The following DDX54 variants were observed in gnomAD, a reference collection of about 807,000 sequenced individuals.
DDX54 encodes ATP-dependent RNA helicase DDX54.
DDX54 carries 67 observed loss-of-function variants against 105.5 expected under a neutral mutation model. The observed-to-expected ratio is 0.64, with a 90% CI of 0.52 to 0.78. The LOEUF (loss-of-function observed/expected upper bound fraction) is 0.78, where lower values mean the gene tolerates loss of function less well. DDX54 is among the 30% of genes least tolerant of loss of function. The pLI is 0.00. For missense variants in DDX54, 1,206 were observed against 1,230.5 expected (o/e 0.98, Z 0.30); for synonymous variants, 514 against 509.9 (o/e 1.01, Z -0.11).
chr12:113,158,930 C>A lies in DDX54; in HGVS notation c.2593G>T (p.Ala865Ser), dbSNP rs201483723. 59 of 1,609,722 alleles carry A rather than the reference C, an allele frequency of 3.7e-5. No homozygotes were observed. In the East Asian group the frequency reaches 1.2e-3, roughly 32 times the overall value. ...RRRVQELQQG[A>S]FGRGARSKKG... ...TTGGAGCGGGCACCCCGGCCGAAGGCGCCCTGCTGCAGCTCCTGGACGCGG... is the reference window on the plus strand; with the variant it reads ...TTGGAGCGGGCACCCCGGCCGAAGGAGCCCTGCTGCAGCTCCTGGACGCGG... The change falls in exon 20 of 20, where the codon GCC becomes TCC. Residue 865 changes from alanine to serine, a missense_variant. Coordinates refer to ENST00000306014, the MANE Select transcript of DDX54 (RefSeq NM_024072.4). This position sits in a 1 kb window ranked among gnomAD's most constrained non-coding sequence, Gnocchi z 4.9.
chr12:113,180,134 C>G, intron 2 of DDX54, 129 bp from the exon 3 acceptor site: 1 of 894,290 alleles, frequency 1.1e-6, no homozygotes, highest in Non-Finnish European at 1.8e-6. Flanking sequence ...CAATAAAGCA[C>G]AAACTGAAAG....
Position 113,157,687 on chromosome 12 carries a change from A to G in DDX54, c.*1190T>C, listed in dbSNP as rs1952148571. The G allele has an allele frequency of 1.9e-6, 3 of 1,550,862 alleles. No individual in the cohort carries two copies. In the South Asian group the frequency reaches 3.6e-5, roughly 18 times the overall value. ...GCAGCCCCTGCCTCCTAGCCCTGACACAGGTGAGCAGCGGGAGAGGGAACC... is the reference window on the plus strand; with the variant it reads ...GCAGCCCCTGCCTCCTAGCCCTGACGCAGGTGAGCAGCGGGAGAGGGAACC... On this transcript the variant is annotated 3_prime_UTR_variant, in exon 20 of 20. Transcript: ENST00000306014.
chr12:113,173,085 A>G (rs1479770361), intron 10 of DDX54, among the ~76,000 whole-genome samples: 1 of 152,228 alleles, frequency 6.6e-6, no homozygotes, highest in Non-Finnish European at 1.5e-5. Context: ...TCACGCCTGT[A>G]ATCCAGCATT....
chr12:113,173,370 T>C (rs1238148471), intron 10 of DDX54, among the ~76,000 whole-genome samples: 1 of 152,088 alleles, frequency 6.6e-6, no homozygotes, highest in Non-Finnish European at 1.5e-5. Context: ...AAACAACTGT[T>C]TAAAAATTAC....
chr12:113,185,186 G>GCCC (rs1246079124), intron 1 of DDX54, 92 bp downstream of exon 1: 3 of 1,399,828 alleles, frequency 2.1e-6, no homozygotes, highest in Non-Finnish European at 2.8e-6. Flanking sequence ...ACTCTGCGGA[G>GCCC]CCCAATCCCC....
At position 113,165,794 on chromosome 12, in the gene DDX54, G is replaced by A; in HGVS notation, c.1645+8C>T. ...ACCTGCCACCCCCTGCCTTGTAGAA[G>A]GACTCACTGAAGAGGGGGTGCAGGC... is the stretch of plus-strand genomic sequence containing the variant. On this transcript the variant is annotated splice_region_variant and intron_variant, in intron 13 of 19. Coordinates refer to ENST00000306014, the MANE Select transcript of DDX54 (RefSeq NM_024072.4). 2.5e-6 allele frequency: 4 copies of A among 1,601,402 alleles called. No individual in the cohort carries two copies. The highest frequency in any genetic ancestry group is 2.6e-6 in the Non-Finnish European group (3 of 1,171,370).
chr12:113,163,168 A>G lies in DDX54; in HGVS notation c.2045T>C (p.Ile682Thr), dbSNP rs1350978999. The G allele has an allele frequency of 3.1e-6, 5 of 1,613,008 alleles. No homozygotes were observed. The highest frequency in any genetic ancestry group is 3.4e-6 in the Non-Finnish European group (4 of 1,179,976). The change falls in exon 16 of 20, where the codon ATC (isoleucine) becomes ACC (threonine). Residue 682 changes from isoleucine to threonine, a missense_variant. This residue lies in a region of DDX54 where 961 missense variants were observed against 1,019.1 expected (regional missense o/e 0.94). Coordinates refer to ENST00000306014, the MANE Select transcript of DDX54 (RefSeq NM_024072.4). This position sits in a 1 kb window ranked among gnomAD's most constrained non-coding sequence, Gnocchi z 5.9. Reference sequence around the variant, plus strand: ...GTCAAAGTCCTTGGGCCGGTAGGGGATGTAGAATTCCTGGTCCCGCTGCCG... The same window carrying G: ...GTCAAAGTCCTTGGGCCGGTAGGGGGTGTAGAATTCCTGGTCCCGCTGCCG... ...EARQRDQEFY[I>T]PYRPKDFDSE...
At chr12:113,160,526 C>G (rs988606273) in intron 19 of DDX54, among the ~76,000 whole-genome samples, 2 of 152,222 alleles carry the variant, frequency 1.3e-5, no homozygotes, top group African/African-American at 4.8e-5. Context: ...GAGCCCCTCC[C>G]TGATAACAGC....
At chr12:113,165,599 A>T in intron 14 of DDX54, 45 bp downstream of exon 14, 1 of 1,542,378 alleles carries the variant, frequency 6.5e-7, no homozygotes, top group Non-Finnish European at 8.8e-7. Flanking sequence ...TCTGGGCTCC[A>T]CAGAGCCAGG....
chr12:113,172,606 G>T, intron 10 of DDX54, 43 bp from the exon 11 acceptor site: 2 of 1,602,344 alleles, frequency 1.2e-6, no homozygotes, highest in Middle Eastern at 1.7e-4. Flanking sequence ...AGGAGACTTG[G>T]AGGAGAAAGG....
rs550380965 is a variant in DDX54 at position 113,168,795 on chromosome 12, T to C, written c.1414+975A>G. 1.8e-4 allele frequency among the ~76,000 whole-genome samples: 28 copies of C among 152,194 alleles called. No individual in the cohort carries two copies. The East Asian group carries it at 5.2e-3, about 28-fold the overall frequency. ...AAAATACAAAATTAGCTGGGCGTGGTTGTGTGTGCCTGCAGTCCCAGCTAC... is the reference window on the plus strand; with the variant it reads ...AAAATACAAAATTAGCTGGGCGTGGCTGTGTGTGCCTGCAGTCCCAGCTAC... On this transcript the variant is annotated intron_variant, in intron 12 of 19. Transcript: ENST00000306014.
Position 113,164,156 on chromosome 12 carries a change from C to T in DDX54, c.1849G>A (p.Gly617Ser), listed in dbSNP as rs1277593362. 7 of 1,554,950 alleles carry T rather than the reference C, an allele frequency of 4.5e-6. No homozygotes were observed. The African/African-American group carries it at 5.4e-5, about 12-fold the overall frequency. The stretch of plus-strand genomic sequence containing the variant: ...CGGCTCGGGGCTGGGCCCACTGGGC[C>T]CTCCTGCTGCTCCTGCCGCCCCTGC... Reference protein sequence around the residue: ...GQQGRQEQQEGPVGPAPSRPA... With the variant: ...GQQGRQEQQESPVGPAPSRPA... Residue 617 changes from glycine to serine, a missense_variant, in exon 15 of 20, where the codon GGC becomes AGC. This residue lies in a region of DDX54 where 961 missense variants were observed against 1,019.1 expected (regional missense o/e 0.94). Coordinates refer to ENST00000306014, the MANE Select transcript of DDX54 (RefSeq NM_024072.4).
intron 10 of DDX54, among the ~76,000 whole-genome samples, chr12:113,174,359 C>A (rs1423468623): frequency 6.6e-6 from 1 of 151,876 alleles, no homozygotes; most frequent in Non-Finnish European, 1.5e-5. Context: ...TGGTGACATG[C>A]GCCAGAAGTC....
In DDX54 at chr12:113,175,098, C is replaced by T. The variant is rs1480870203; in HGVS notation, c.812G>A (p.Gly271Asp). 2 of 1,613,442 alleles carry T rather than the reference C, an allele frequency of 1.2e-6. No homozygotes were observed. The highest frequency in any genetic ancestry group is 3.3e-5 in the Admixed American group (2 of 59,976). Residue 271 changes from glycine (G) to aspartate (D), a missense_variant, in exon 8 of 20, where the codon GGC (glycine) becomes GAC (aspartate). By Grantham distance (94) the Gly-to-Asp change is moderately conservative. This residue lies in a region of DDX54 where 961 missense variants were observed against 1,019.1 expected (regional missense o/e 0.94). Transcript: ENST00000306014. ...LQEIIARLPG[G>D]HQTVLFSATL... is the part of the protein sequence containing the mutation. ...GGCGGAGAACAGCACCGTCTGGTGG[C>T]CCCCGGGGAGGCGGGCGATGATCTC...
chr12:113,157,305 A>C lies in DDX54; in HGVS notation c.*1572T>G, dbSNP rs2136308905. On this transcript the variant is annotated 3_prime_UTR_variant, in exon 20 of 20. Transcript: ENST00000306014. ...TGAATATGACTGATCCAGTTACAAG[A>C]AAATAAAGCTGATTGATGTAAATGA... 2.3e-6 allele frequency: 1 copy of C among 432,410 alleles called. No individual in the cohort carries two copies. Among genetic ancestry groups the C allele is most frequent in the Non-Finnish European group, 4.2e-6 (1 of 239,824 alleles). The allele number at this position is 432,410 out of a possible 1,614,324, so 26.8% of individuals were successfully genotyped here.
At chr12:113,177,836 C>T (rs529052181) in intron 5 of DDX54, among the ~76,000 whole-genome samples, 56 of 152,308 alleles carry the variant, frequency 3.7e-4, no homozygotes, top group African/African-American at 1.3e-3. Flanking sequence ...GTAAAACAGA[C>T]GTGGCACCTA....
At chr12:113,161,832 G>T in intron 18 of DDX54, 61 bp downstream of exon 18, 5 of 732,916 alleles carry the variant, frequency 6.8e-6, no homozygotes, top group Middle Eastern at 8.0e-4. Context: ...CCACTTAATT[G>T]AAGCTGCTCC....
At chr12:113,177,921 C>T (rs946966131) in intron 5 of DDX54, among the ~76,000 whole-genome samples, 3 of 152,178 alleles carry the variant, frequency 2.0e-5, no homozygotes, top group Non-Finnish European at 4.4e-5. Context: ...AAACATCCCT[C>T]GATTCCTGTG....
chr12:113,171,893 C>T (rs1241039352), intron 11 of DDX54, among the ~76,000 whole-genome samples: 1 of 152,280 alleles, frequency 6.6e-6, no homozygotes, highest in East Asian at 1.9e-4. Flanking sequence ...AACACACGCA[C>T]GGCACCTAAC....
Sources: gnomAD v4.1 joint callset for allele counts (sites outside exome capture counted in the v4.1 genomes callset) on GRCh38, gnomAD v4.1.1 for gene constraint, gnomAD v4.1.1 regional missense constraint, Gnocchi (gnomAD v3.1) non-coding constraint, MANE v1.5 for transcripts, NCBI Gene and HGNC (gene_info 2026-07-23, HGNC 2026-07-21) for gene names.